The following INTU variants were observed in gnomAD, a reference collection of about 807,000 sequenced individuals.
INTU encodes the protein inturned planar cell polarity protein.
A neutral mutation model predicts 100.5 loss-of-function variants in INTU; 68 were observed. The observed-to-expected ratio is 0.68, with a 90% CI of 0.56 to 0.83. INTU has a LOEUF of 0.83. Among genes scored for constraint, INTU ranks in the 40% least tolerant of loss-of-function variants. The probability of loss-of-function intolerance (pLI) is 0.00; values close to 1 mark genes in which losing one functional copy is unlikely to be tolerated. For missense variants in INTU, 1,071 were observed against 1,114.7 expected, an observed-to-expected ratio of 0.96 and a Z score of 0.56; for synonymous variants, 357 against 395.7, an observed-to-expected ratio of 0.90 and a Z score of 1.16.
chr4:127,663,287 C>T, intron 3 of INTU, 94 bp from the exon 4 acceptor site: 1 of 824,460 alleles, frequency 1.2e-6, no homozygotes, highest in South Asian at 1.6e-5. Flanking sequence ...ACTGTACATA[C>T]CTGGGTGTAT....
rs1054014015 is a variant in INTU at position 127,656,646 on chromosome 4, T to C, written c.693T>C (p.Leu231=). The C allele has an allele frequency of 4.4e-6, 7 of 1,609,124 alleles. No individual in the cohort carries two copies. Among genetic ancestry groups the C allele is most frequent in the South Asian group, 1.1e-5 (1 of 90,656 alleles). The part of the protein sequence containing the change: ...KSGQVLIGDV[L]VAVNDVDVTT... Reference sequence around the variant, plus strand: ...TTATTCTGGTTTCAGGTGATGTCCTTGTTGCTGTGAATGATGTCGATGTTA... The same window carrying C: ...TTATTCTGGTTTCAGGTGATGTCCTCGTTGCTGTGAATGATGTCGATGTTA... Residue 231 remains leucine, a synonymous_variant, in exon 3 of 16, where the codon CTT becomes CTC. Transcript: ENST00000335251.
chr4:127,672,354 A>G (rs1728966823), intron 5 of INTU, among the ~76,000 whole-genome samples: 1 of 152,116 alleles, frequency 6.6e-6, no homozygotes, highest in South Asian at 2.1e-4. Context: ...TATGAATGGA[A>G]TCATATAATG....
Position 127,659,699 on chromosome 4 carries a change from A to C in INTU, c.768+2978A>C, listed in dbSNP as rs564713760. Among the ~76,000 whole-genome samples the C allele has an allele frequency of 1.5e-3, 234 of 152,252 alleles. 1 individual carries two copies. Among genetic ancestry groups the C allele is most frequent in the Middle Eastern group, 3.4e-3 (1 of 294 alleles). ...TTGGGTCCAAATTTTGCAGATGACG[A>C]AGACTGATTTCATTTAGTACTGGGC... is the stretch of plus-strand genomic sequence containing the variant. On this transcript the variant is annotated intron_variant, in intron 3 of 15. Coordinates refer to ENST00000335251, the MANE Select transcript of INTU (RefSeq NM_015693.4).
Position 127,704,285 on chromosome 4 carries a change from TA to T in INTU, c.1562del (p.Tyr521SerfsTer5), listed in dbSNP as rs762768519. ...LYTILGSSLF[Y>X]KGYLICSHLP... The stretch of plus-strand genomic sequence containing the variant: ...TACAATTTTGGGGTCTTCTCTATTT[TA>T]CAAGGTAAGTTGAAGCTTGAAGTCT... On this transcript the variant is annotated frameshift_variant, in exon 10 of 16. Transcript: ENST00000335251. LOFTEE classifies it high-confidence loss of function. 1 of 1,609,376 alleles carries T rather than the reference TA, an allele frequency of 6.2e-7. No homozygotes were observed. Among genetic ancestry groups the T allele is most frequent in the Non-Finnish European group, 8.5e-7 (1 of 1,177,144 alleles).
intron 2 of INTU, among the ~76,000 whole-genome samples, chr4:127,649,534 A>G (rs994338836): frequency 5.3e-5 from 8 of 151,724 alleles, no homozygotes; most frequent in African/African-American, 1.9e-4. Flanking sequence ...ATATTGCATT[A>G]TACTTACCTG....
In INTU at chr4:127,706,545, G is replaced by C; in HGVS notation, c.1847G>C (p.Gly616Ala). Residue 616 changes from glycine to alanine, a missense_variant, in exon 12 of 16, where the codon GGG (glycine) becomes GCG (alanine). By Grantham distance (60) the Gly-to-Ala change is moderately conservative. Coordinates refer to ENST00000335251, the MANE Select transcript of INTU (RefSeq NM_015693.4). ...GGAGGTTGCGCATCCAAAGCTATTGGGAGTCCTGGACCAGACTGTGTATAT... is the reference window on the plus strand; with the variant it reads ...GGAGGTTGCGCATCCAAAGCTATTGCGAGTCCTGGACCAGACTGTGTATAT... Reference protein sequence around the residue: ...EAGGCASKAIGSPGPDCVYVD... With the variant: ...EAGGCASKAIASPGPDCVYVD... 2.5e-6 allele frequency: 4 copies of C among 1,613,854 alleles called. No homozygotes were observed. The highest frequency in any genetic ancestry group is 3.4e-6 in the Non-Finnish European group (4 of 1,179,852).
intron 6 of INTU, among the ~76,000 whole-genome samples, chr4:127,681,101 G>A (rs200021156): frequency 0.03 from 4,628 of 152,122 alleles, 297 homozygotes; most frequent in East Asian, 0.27. Context: ...TGAAATAAAA[G>A]AGGATACAAA....
At chr4:127,698,773 A>G (rs998885312) in intron 8 of INTU, among the ~76,000 whole-genome samples, 2 of 152,194 alleles carry the variant, frequency 1.3e-5, no homozygotes, top group Non-Finnish European at 2.9e-5. Context: ...TTAATCTTGT[A>G]TACTAATTAG....
chr4:127,690,770 A>G (rs1453125195), intron 8 of INTU, among the ~76,000 whole-genome samples: 1 of 152,128 alleles, frequency 6.6e-6, no homozygotes, highest in African/African-American at 2.4e-5. Flanking sequence ...TACATCATAC[A>G]TGCATAGCCT....
chr4:127,676,014 G>A (rs2126215086), intron 6 of INTU: 1 of 190,590 alleles, frequency 5.2e-6, no homozygotes, highest in South Asian at 7.5e-5. Flanking sequence ...TCACAAACAG[G>A]AATTCCAAAG....
chr4:127,684,361 G>A (rs369809104), intron 6 of INTU, 48 bp from the exon 7 acceptor site: 145 of 999,126 alleles, frequency 1.5e-4, no homozygotes, highest in Non-Finnish European at 2.1e-4. Flanking sequence ...TTAGATAAAT[G>A]TCATTTGATT....
In INTU at chr4:127,691,962, G is replaced by GTGTGTGTATATATATATATA; in HGVS notation, c.1449+4096_1449+4097insGTGTGTATATATATATATAT. Among the ~76,000 whole-genome samples the GTGTGTGTATATATATATATA allele has an allele frequency of 3.5e-4, 34 of 98,260 alleles. 3 individuals carry two copies. Among genetic ancestry groups the GTGTGTGTATATATATATATA allele is most frequent in the African/African-American group, 1.2e-3 (31 of 24,936 alleles). 64.5% of individuals were successfully genotyped at this position (98,260 alleles called of 152,430 possible). A position where few individuals can be genotyped will look rare whatever the true frequency, so the allele number is the denominator to read the frequency against. ...GGCGGAGTATAGTGTTCCATGGTAT[G>GTGTGTGTATATATATATATA]TATATATATATATATATATGTCACA... On this transcript the variant is annotated intron_variant, in intron 8 of 15. Transcript: ENST00000335251.
chr4:127,714,175 T>C (rs1175738983), intron 15 of INTU, 82 bp downstream of exon 15: 1 of 1,188,748 alleles, frequency 8.4e-7, no homozygotes, highest in Admixed American at 2.4e-5. Flanking sequence ...CATTTTAAAA[T>C]GTAAGCATGG....
intron 8 of INTU, among the ~76,000 whole-genome samples, chr4:127,691,690 A>G (rs567803465): frequency 6.6e-6 from 1 of 152,034 alleles, no homozygotes; most frequent in Admixed American, 6.6e-5. Flanking sequence ...TGGTCCACCC[A>G]TCACCCAAGG....
Position 127,674,294 on chromosome 4 carries a change from C to A in INTU, c.1181+81C>A. The A allele has an allele frequency of 2.7e-6, 3 of 1,096,126 alleles. No homozygotes were observed. The South Asian group carries it at 4.3e-5, about 16-fold the overall frequency. 67.9% of individuals were successfully genotyped at this position (1,096,126 alleles called of 1,614,324 possible). ...TTTGTTAAAATTATTACATTTTTGT[C>A]AAAAGACAAACTCCTTGAACAGTTT... On this transcript the variant is annotated intron_variant, in intron 6 of 15. Coordinates refer to ENST00000335251, the MANE Select transcript of INTU (RefSeq NM_015693.4).
intron 2 of INTU, among the ~76,000 whole-genome samples, 164 bp downstream of exon 2, chr4:127,644,220 A>C (rs1198169706): frequency 6.6e-6 from 1 of 152,242 alleles, no homozygotes; most frequent in Non-Finnish European, 1.5e-5. Context: ...GGTGCACTAC[A>C]AGGCACAGTG....
At chr4:127,654,841 C>A (rs1199057975) in intron 2 of INTU, among the ~76,000 whole-genome samples, 30 of 145,104 alleles carry the variant, frequency 2.1e-4, no homozygotes, top group African/African-American at 3.6e-4. Context: ...TCCATTCTCC[C>A]CATCACTTTC....
At chr4:127,657,747 C>A (rs760712991) in intron 3 of INTU, among the ~76,000 whole-genome samples, 21 of 151,640 alleles carry the variant, frequency 1.4e-4, no homozygotes, top group Non-Finnish European at 2.5e-4. Flanking sequence ...CCCATCACCC[C>A]CAGATGGGAC....
chr4:127,642,440 T>C (rs1357920838), intron 1 of INTU, among the ~76,000 whole-genome samples: 1 of 152,188 alleles, frequency 6.6e-6, no homozygotes, highest in Non-Finnish European at 1.5e-5. Context: ...TAGTATATTT[T>C]GGGGGCTAAT....
Sources: allele counts gnomAD v4.1 joint callset (sites outside exome capture counted in the v4.1 genomes callset), GRCh38; gene constraint gnomAD v4.1.1; transcripts MANE v1.5; gene names NCBI Gene and HGNC (gene_info 2026-07-23, HGNC 2026-07-21).